SPOCK1: variants seen among roughly 807,000 people sequenced by gnomAD.
The protein encoded by SPOCK1 is SPARC (osteonectin), cwcv and kazal like domains proteoglycan 1, also known as testican-1.
SPOCK1 carries 23 observed loss-of-function variants against 55.3 expected under a neutral mutation model. That is an observed-to-expected ratio of 0.42 (90% CI 0.30 to 0.59). The LOEUF is 0.59. Among genes scored for constraint, SPOCK1 ranks in the 20% least tolerant of loss-of-function variants. The pLI is 0.22. For missense variants in SPOCK1, 499 were observed against 552.5 expected, an observed-to-expected ratio of 0.90 and a Z score of 0.97; for synonymous variants, 226 against 221.0, an observed-to-expected ratio of 1.02 and a Z score of -0.20.
At chr5:137,303,287 G>C (rs1757638332) in intron 2 of SPOCK1, among the ~76,000 whole-genome samples, 1 of 152,052 alleles carries the variant, frequency 6.6e-6, no homozygotes. Flanking sequence ...TCTTGGGAAA[G>C]CGAGACCTAT....
At chr5:137,417,851 C>T (rs1000625509) in intron 2 of SPOCK1, among the ~76,000 whole-genome samples, 6 of 152,042 alleles carry the variant, frequency 3.9e-5, no homozygotes, top group African/African-American at 1.2e-4. Context: ...ATGTGCACAA[C>T]GTGCAGGTTT....
At chr5:137,270,817 A>G (rs2127118861) in intron 2 of SPOCK1, among the ~76,000 whole-genome samples, 1 of 152,276 alleles carries the variant, frequency 6.6e-6, no homozygotes, top group East Asian at 1.9e-4. Flanking sequence ...AGCCTGGCCA[A>G]CATGGTGAAA....
At chr5:137,156,428 C>A (rs1191875228) in intron 3 of SPOCK1, among the ~76,000 whole-genome samples, 6 of 152,274 alleles carry the variant, frequency 3.9e-5, no homozygotes, top group South Asian at 4.2e-4. Flanking sequence ...GCCATAGCAA[C>A]CCCTCACCTT....
rs568624818 is a variant in SPOCK1, at chr5:137,289,289, C to T, written c.187-22234G>A. 2.0e-5 allele frequency among the ~76,000 whole-genome samples: 3 copies of T among 152,194 alleles called. 1 individual carries two copies. The highest frequency in any genetic ancestry group is 3.9e-4 in the East Asian group (2 of 5,180). ...TTACCTCCTTTTTTTCTTTCCAAGGCCTGCTCATCATATAACTATTTTAAG... is the reference window on the plus strand; with the variant it reads ...TTACCTCCTTTTTTTCTTTCCAAGGTCTGCTCATCATATAACTATTTTAAG... On this transcript the variant is annotated intron_variant, in intron 2 of 10. Coordinates refer to ENST00000394945, the MANE Select transcript of SPOCK1 (RefSeq NM_004598.4).
rs114066402 is a variant in SPOCK1, at chr5:137,390,473, T to G, written c.186+107900A>C. Among the ~76,000 whole-genome samples, 1,140 of 152,318 alleles carry G rather than the reference T, an allele frequency of 7.5e-3. 16 individuals carry two copies. Among genetic ancestry groups the G allele is most frequent in the African/African-American group, 0.026 (1,087 of 41,558 alleles). On this transcript the variant is annotated intron_variant, in intron 2 of 10. Coordinates refer to ENST00000394945, the MANE Select transcript of SPOCK1 (RefSeq NM_004598.4). ...TAATAGGAACACCATCTATTTGTCTTGAGGAAGAAGGTCCTTGTGAGGTCT... is the reference window on the plus strand; with the variant it reads ...TAATAGGAACACCATCTATTTGTCTGGAGGAAGAAGGTCCTTGTGAGGTCT...
chr5:137,270,760 T>C lies in SPOCK1; in HGVS notation c.187-3705A>G, dbSNP rs1251019767. Among the ~76,000 whole-genome samples, 9 of 152,140 alleles carry C rather than the reference T, an allele frequency of 5.9e-5. 1 individual carries two copies. The highest frequency in any genetic ancestry group is 5.2e-4 in the Admixed American group (8 of 15,268). On this transcript the variant is annotated intron_variant, in intron 2 of 10. Transcript: ENST00000394945. ...GCTCACACCTGTAATCCCAACACTT[T>C]GGGAGGCTGAGGTGGGTGGATCACC... is the stretch of plus-strand genomic sequence containing the variant.
At chr5:137,076,607 T>TAAAAAA (rs35285273) in intron 5 of SPOCK1, among the ~76,000 whole-genome samples, 18 of 112,526 alleles carry the variant, frequency 1.6e-4, no homozygotes, top group East Asian at 2.5e-4. Flanking sequence ...GGACTGAAAG[T>TAAAAAA]AAAAAAAAAA....
chr5:137,212,035 C>T (rs1447642383), intron 3 of SPOCK1, among the ~76,000 whole-genome samples: 1 of 152,170 alleles, frequency 6.6e-6, no homozygotes, highest in Admixed American at 6.5e-5. Context: ...GTTATGGGAA[C>T]CCCAATTTAT....
chr5:137,106,678 T>C (rs185404945), intron 5 of SPOCK1, among the ~76,000 whole-genome samples: 8 of 152,204 alleles, frequency 5.3e-5, no homozygotes, highest in African/African-American at 1.7e-4. Flanking sequence ...CCAGGAGGCT[T>C]CTCACAGTCA....
At chr5:137,044,680 A>C (rs995827929) in intron 6 of SPOCK1, among the ~76,000 whole-genome samples, 1 of 151,788 alleles carries the variant, frequency 6.6e-6, no homozygotes, top group African/African-American at 2.4e-5. Context: ...TTTAGGGTAC[A>C]TGTGCACATT....
intron 3 of SPOCK1, among the ~76,000 whole-genome samples, chr5:137,143,105 A>G (rs762562558): frequency 2.0e-5 from 3 of 152,128 alleles, no homozygotes; most frequent in Non-Finnish European, 2.9e-5. Flanking sequence ...AGATCTCAAG[A>G]AACCTGGGGA....
chr5:137,442,048 T>G (rs1203347394), intron 2 of SPOCK1, among the ~76,000 whole-genome samples: 1 of 152,190 alleles, frequency 6.6e-6, no homozygotes, highest in Non-Finnish European at 1.5e-5. Flanking sequence ...AAGAACAAAG[T>G]CTGTCAGTGA....
chr5:137,402,282 T>C (rs1751999634), intron 2 of SPOCK1, among the ~76,000 whole-genome samples: 2 of 152,364 alleles, frequency 1.3e-5, no homozygotes, highest in South Asian at 4.1e-4. Context: ...ACAACCATTG[T>C]AGATACTCTA....
At chr5:137,420,857 C>T (rs143550135) in intron 2 of SPOCK1, among the ~76,000 whole-genome samples, 7,276 of 152,170 alleles carry the variant, frequency 0.048, 255 homozygotes, top group African/African-American at 0.094. Flanking sequence ...TGTGTTTGTT[C>T]TTGCTTCTCT....
intron 4 of SPOCK1, among the ~76,000 whole-genome samples, chr5:137,120,117 A>C (rs1753657765): frequency 6.6e-6 from 1 of 152,148 alleles, no homozygotes; most frequent in African/African-American, 2.4e-5. Flanking sequence ...CCACAGGAAT[A>C]CCAGCACCTT....
chr5:137,101,843 G>A (rs925871420), intron 5 of SPOCK1, among the ~76,000 whole-genome samples: 8 of 152,176 alleles, frequency 5.3e-5, no homozygotes, highest in African/African-American at 1.7e-4. Flanking sequence ...AAGTATTAAA[G>A]CATTAAGCCA....
intron 2 of SPOCK1, among the ~76,000 whole-genome samples, chr5:137,391,404 T>C (rs148388327): frequency 6.6e-6 from 1 of 152,176 alleles, no homozygotes; most frequent in East Asian, 1.9e-4. Flanking sequence ...TGGATGAGGC[T>C]AAGGAAACGC....
At chr5:137,384,586 A>ATGT (rs1561521453) in intron 2 of SPOCK1, among the ~76,000 whole-genome samples, 1 of 146,442 alleles carries the variant, frequency 6.8e-6, no homozygotes, top group African/African-American at 2.7e-5. Context: ...ATATGTATGT[A>ATGT]TTTTTTTTTC....
chr5:136,982,398 C>T (rs1321435431), intron 9 of SPOCK1, among the ~76,000 whole-genome samples: 4 of 152,132 alleles, frequency 2.6e-5, no homozygotes, highest in African/African-American at 7.2e-5. Context: ...TTGACCTGTT[C>T]ACATTTATTG....
Sources: gnomAD v4.1 joint callset for allele counts (sites outside exome capture counted in the v4.1 genomes callset) on GRCh38, gnomAD v4.1.1 for gene constraint, MANE v1.5 for transcripts, NCBI Gene and HGNC (gene_info 2026-07-23, HGNC 2026-07-21) for gene names.